The following KCNIP4 variants were observed in gnomAD, a reference collection of about 807,000 sequenced individuals.
The protein encoded by KCNIP4 is Kv channel-interacting protein 4.
In KCNIP4, 12 loss-of-function variants were observed where a neutral mutation model predicts 34.0. The observed-to-expected ratio is 0.35, with a 90% confidence interval of 0.23 to 0.57. The LOEUF is 0.57. Among genes scored for constraint, KCNIP4 ranks in the 20% least tolerant of loss-of-function variants. The pLI, the probability that KCNIP4 is intolerant of heterozygous loss-of-function variation, is 0.83. For missense variants in KCNIP4, 238 were observed against 311.7 expected (o/e 0.76, Z 1.78); for synonymous variants, 124 against 102.2 (o/e 1.21, Z -1.29).
At chr4:21,828,199 T>A (rs2109301473) in intron 1 of KCNIP4, among the ~76,000 whole-genome samples, 1 of 151,414 alleles carries the variant, frequency 6.6e-6, no homozygotes, top group Non-Finnish European at 1.5e-5. Flanking sequence ...ATAGAATTTT[T>A]AAAATAATAC....
intron 3 of KCNIP4, among the ~76,000 whole-genome samples, chr4:20,822,870 G>T (rs936514707): frequency 2.0e-5 from 3 of 152,036 alleles, no homozygotes; most frequent in African/African-American, 7.2e-5. Flanking sequence ...TCAGGAATAG[G>T]GTTACTACTC....
rs980500328 is a variant in KCNIP4 at position 21,735,637 on chromosome 4, C to T, written c.61+212934G>A. ...TTTTTGTTTTTGTTTTTGTTTTCTA[C>T]GAGAGTCTGTTGTTAAACACATAGC... is the stretch of plus-strand genomic sequence containing the variant. On this transcript the variant is annotated intron_variant, in intron 1 of 8. Transcript: ENST00000382152. Among the ~76,000 whole-genome samples the T allele has an allele frequency of 9.9e-5, 15 of 151,992 alleles. No homozygotes were observed. In the East Asian group the frequency reaches 1.2e-3, roughly 12 times the overall value.
intron 1 of KCNIP4, among the ~76,000 whole-genome samples, chr4:21,626,926 C>T (rs1745379638): frequency 6.6e-6 from 1 of 152,038 alleles, no homozygotes; most frequent in Admixed American, 6.6e-5. Context: ...AACTGTCTGG[C>T]TTACAATCTA....
At chr4:21,930,108 T>G (rs954093019) in intron 1 of KCNIP4, among the ~76,000 whole-genome samples, 1 of 152,128 alleles carries the variant, frequency 6.6e-6, no homozygotes, top group African/African-American at 2.4e-5. Flanking sequence ...CCTTCAACTG[T>G]GAGCTGGCTA....
At chr4:21,859,988 C>T (rs1724980328) in intron 1 of KCNIP4, among the ~76,000 whole-genome samples, 1 of 152,160 alleles carries the variant, frequency 6.6e-6, no homozygotes, top group South Asian at 2.1e-4. Context: ...CTGTAATGAG[C>T]TGTGATGGTG....
At chr4:20,798,684 C>T (rs140224958) in intron 3 of KCNIP4, among the ~76,000 whole-genome samples, 8 of 152,270 alleles carry the variant, frequency 5.3e-5, no homozygotes, top group South Asian at 4.1e-4. Context: ...AAAGATACCT[C>T]GCCTCCGCCA....
chr4:21,599,082 T>A (rs1184461364), intron 1 of KCNIP4, among the ~76,000 whole-genome samples: 5 of 152,128 alleles, frequency 3.3e-5, no homozygotes, highest in Admixed American at 6.6e-5. Context: ...GATTTGAGCA[T>A]CCTTGCAACA....
At chr4:21,171,580 C>T (rs765450447) in intron 1 of KCNIP4, among the ~76,000 whole-genome samples, 8 of 152,172 alleles carry the variant, frequency 5.3e-5, no homozygotes, top group Non-Finnish European at 1.0e-4. Flanking sequence ...ATCCCTCTGT[C>T]AGAAGAATCC....
rs1342641398 is a variant in KCNIP4, at chr4:21,560,822, TAACCCTCTA to T, written c.61+387740_61+387748del. Among the ~76,000 whole-genome samples, 59 of 152,206 alleles carry T rather than the reference TAACCCTCTA, an allele frequency of 3.9e-4. 1 individual carries two copies. In the South Asian group the frequency reaches 0.012, roughly 30 times the overall value. ...ATAAGATAGCAAACTTTAATTTCTGTAACCCTCTAGGAGGGTTCAGCCAACAAGTACAAT... is the reference window on the plus strand; with the variant it reads ...ATAAGATAGCAAACTTTAATTTCTGTGGAGGGTTCAGCCAACAAGTACAAT... On this transcript the variant is annotated intron_variant, in intron 1 of 8. Transcript: ENST00000382152.
intron 2 of KCNIP4, among the ~76,000 whole-genome samples, chr4:20,863,734 A>G (rs1027303000): frequency 6.6e-6 from 1 of 152,132 alleles, no homozygotes; most frequent in African/African-American, 2.4e-5. Context: ...AAACTTTTGC[A>G]AAGGAGGTTT....
chr4:21,468,901 C>T (rs763517463), intron 1 of KCNIP4, among the ~76,000 whole-genome samples: 54 of 152,240 alleles, frequency 3.5e-4, no homozygotes, highest in African/African-American at 1.2e-3. Context: ...TCTCACATTG[C>T]TCAACATCAT....
chr4:21,027,868 A>G (rs1263404527), intron 1 of KCNIP4, among the ~76,000 whole-genome samples: 2 of 152,142 alleles, frequency 1.3e-5, no homozygotes, highest in Non-Finnish European at 2.9e-5. Flanking sequence ...ATGGCTCTAA[A>G]TAATTTAACA....
intron 2 of KCNIP4, among the ~76,000 whole-genome samples, chr4:20,875,839 A>G (rs575997276): frequency 1.3e-5 from 2 of 152,352 alleles, no homozygotes; most frequent in East Asian, 3.9e-4. Flanking sequence ...TTCTCTGCCA[A>G]CAGAGCATCT....
chr4:21,658,473 T>A (rs574828001), intron 1 of KCNIP4, among the ~76,000 whole-genome samples: 1 of 152,240 alleles, frequency 6.6e-6, no homozygotes, highest in African/African-American at 2.4e-5. Flanking sequence ...TGGAGTGCAA[T>A]GGCACGATCT....
rs1560480189 is a variant in KCNIP4 at position 21,519,586 on chromosome 4, A to ATATACACATGTG, written c.61+428984_61+428985insCACATGTGTATA. Among the ~76,000 whole-genome samples the ATATACACATGTG allele has an allele frequency of 1.5e-3, 33 of 21,852 alleles. 8 individuals carry two copies. Among genetic ancestry groups the ATATACACATGTG allele is most frequent in the Admixed American group, 3.7e-3 (6 of 1,610 alleles). The allele number at this position is 21,852 out of a possible 152,430, so 14.3% of individuals were successfully genotyped here. ...TGTATATATACACATATGTGTGTGTATGTATGTGTATATATACACATATGT... is the reference window on the plus strand; with the variant it reads ...TGTATATATACACATATGTGTGTGTATATACACATGTGTGTATGTGTATATATACACATATGT... On this transcript the variant is annotated intron_variant, in intron 1 of 8. Transcript: ENST00000382152.
intron 1 of KCNIP4, among the ~76,000 whole-genome samples, chr4:21,038,836 T>C (rs1040004800): frequency 1.3e-5 from 2 of 152,160 alleles, no homozygotes; most frequent in Admixed American, 6.5e-5. Flanking sequence ...CTCCAGTAAG[T>C]GAAAGAGTTG....
At chr4:20,862,163 G>C (rs918601142) in intron 2 of KCNIP4, among the ~76,000 whole-genome samples, 1 of 151,726 alleles carries the variant, frequency 6.6e-6, no homozygotes, top group Non-Finnish European at 1.5e-5. Flanking sequence ...GCTAATTTTT[G>C]TATGTTTAGT....
intron 1 of KCNIP4, among the ~76,000 whole-genome samples, chr4:21,575,591 C>T (rs778252321): frequency 2.2e-4 from 34 of 151,950 alleles, no homozygotes; most frequent in Non-Finnish European, 4.3e-4. Flanking sequence ...TTTAGATACA[C>T]GTTTTCTGTT....
At chr4:20,776,069 C>T (rs1003434918) in intron 3 of KCNIP4, among the ~76,000 whole-genome samples, 2 of 152,186 alleles carry the variant, frequency 1.3e-5, no homozygotes, top group Non-Finnish European at 2.9e-5. Flanking sequence ...ACCACATTCA[C>T]TTTTCATTTC....
Sources: gnomAD v4.1 joint callset for allele counts (sites outside exome capture counted in the v4.1 genomes callset) on GRCh38, gnomAD v4.1.1 for gene constraint, MANE v1.5 for transcripts, NCBI Gene and HGNC (gene_info 2026-07-23, HGNC 2026-07-21) for gene names.